SGCZ: variants seen among roughly 807,000 people sequenced by gnomAD.
SGCZ encodes the protein zeta-sarcoglycan.
Under a neutral mutation model 41.3 loss-of-function variants are expected in SGCZ, and 40 were observed. The observed-to-expected ratio is 0.97, with a 90% CI of 0.75 to 1.26. The LOEUF (loss-of-function observed/expected upper bound fraction) is 1.26. SGCZ is among the 50% of genes most tolerant of loss of function. The pLI is 0.00. For synonymous variants in SGCZ, 206 were observed against 137.5 expected, an observed-to-expected ratio of 1.50 and a Z score of -3.49; for missense variants, 552 against 369.8, an observed-to-expected ratio of 1.49 and a Z score of -4.04.
intron 2 of SGCZ, among the ~76,000 whole-genome samples, chr8:14,455,162 C>T (rs1800705906): frequency 6.6e-6 from 1 of 151,824 alleles, no homozygotes; most frequent in Non-Finnish European, 1.5e-5. Flanking sequence ...ATAGGGAATT[C>T]ATAAAAGTTA....
chr8:14,814,637 G>C (rs1801842983), intron 1 of SGCZ, among the ~76,000 whole-genome samples: 1 of 152,140 alleles, frequency 6.6e-6, no homozygotes, highest in Admixed American at 6.6e-5. Context: ...GAGAAGATGG[G>C]AGGACGCAAG....
chr8:14,793,333 G>A (rs896858192), intron 1 of SGCZ, among the ~76,000 whole-genome samples: 2 of 152,106 alleles, frequency 1.3e-5, no homozygotes, highest in Non-Finnish European at 2.9e-5. Context: ...TTCACATCAT[G>A]ATCAATGTTA....
At chr8:14,302,061 G>A (rs1470268520) in intron 3 of SGCZ, among the ~76,000 whole-genome samples, 1 of 152,100 alleles carries the variant, frequency 6.6e-6, no homozygotes, top group Non-Finnish European at 1.5e-5. Flanking sequence ...GACCTAAAAA[G>A]TCTTCTCTTT....
At chr8:14,553,025 TA>T (rs1455743153) in intron 2 of SGCZ, among the ~76,000 whole-genome samples, 1 of 151,932 alleles carries the variant, frequency 6.6e-6, no homozygotes, top group African/African-American at 2.4e-5. Context: ...TAATTTTAGT[TA>T]AAAAATGAGG....
intron 1 of SGCZ, among the ~76,000 whole-genome samples, chr8:14,581,426 GT>G (rs1008712703): frequency 4.0e-5 from 6 of 151,308 alleles, no homozygotes; most frequent in African/African-American, 1.5e-4. Context: ...TGCTTACTAT[GT>G]TTTTTGTTTG....
chr8:14,106,610 C>T (rs1283686190), intron 6 of SGCZ, among the ~76,000 whole-genome samples: 1 of 152,100 alleles, frequency 6.6e-6, no homozygotes, highest in Non-Finnish European at 1.5e-5. Flanking sequence ...AGATTTTCAA[C>T]TTTATTTATT....
chr8:14,497,626 G>C (rs533038065), intron 2 of SGCZ, among the ~76,000 whole-genome samples: 3 of 152,092 alleles, frequency 2.0e-5, no homozygotes, highest in Admixed American at 6.6e-5. Context: ...GCTATTGTTA[G>C]TGTTAGTGTA....
intron 1 of SGCZ, among the ~76,000 whole-genome samples, chr8:14,589,280 G>A (rs968142443): frequency 6.6e-6 from 1 of 150,448 alleles, no homozygotes; most frequent in African/African-American, 2.4e-5. Context: ...TGGGAGGTGA[G>A]TGTTGCAGTG....
At chr8:14,310,898 C>T (rs539313907) in intron 3 of SGCZ, among the ~76,000 whole-genome samples, 42 of 152,080 alleles carry the variant, frequency 2.8e-4, no homozygotes, top group Non-Finnish European at 5.3e-4. Context: ...AGACAGGGTG[C>T]CCTTGAAACT....
rs538445573 is a variant in SGCZ at position 15,124,923 on chromosome 8, T to C, written c.39+112662A>G. 4.4e-4 allele frequency among the ~76,000 whole-genome samples: 67 copies of C among 152,274 alleles called. 1 individual carries two copies. The highest frequency in any genetic ancestry group is 1.6e-3 in the African/African-American group (65 of 41,558). Reference sequence around the variant, plus strand: ...AATCTGTACAAAATTTTATTTCATATGATAATACATTATGGCTATGAATTA... The same window carrying C: ...AATCTGTACAAAATTTTATTTCATACGATAATACATTATGGCTATGAATTA... On this transcript the variant is annotated intron_variant, in intron 1 of 7. Coordinates refer to ENST00000382080, the MANE Select transcript of SGCZ (RefSeq NM_139167.4).
chr8:14,567,217 G>C (rs375401137), intron 1 of SGCZ, among the ~76,000 whole-genome samples: 2 of 152,324 alleles, frequency 1.3e-5, no homozygotes, highest in South Asian at 2.1e-4. Context: ...GGGCTGAGGA[G>C]TGCAGGCGCA....
rs34143581 is a variant in SGCZ, at chr8:14,690,113, CT to C, written c.40-135188del. Among the ~76,000 whole-genome samples the C allele has an allele frequency of 4.0e-3, 542 of 137,148 alleles. 2 individuals are homozygous for C. The highest frequency in any genetic ancestry group is 6.6e-3 in the African/African-American group (239 of 36,082). 90.0% of individuals were successfully genotyped at this position (137,148 alleles called of 152,430 possible). A position where few individuals can be genotyped will look rare whatever the true frequency, so the allele number is the denominator to read the frequency against. ...TCTAAGTAAATTGTGAGTGTTGTCT[CT>C]TTTTTTTTTTTTTTTAAAGTCCATG... On this transcript the variant is annotated intron_variant, in intron 1 of 7. Coordinates refer to ENST00000382080, the MANE Select transcript of SGCZ (RefSeq NM_139167.4).
chr8:14,462,778 G>T (rs1200276542), intron 2 of SGCZ, among the ~76,000 whole-genome samples: 1 of 151,774 alleles, frequency 6.6e-6, no homozygotes, highest in African/African-American at 2.4e-5. Flanking sequence ...ATTTGGATAA[G>T]GATCGCATTG....
rs774548687 is a variant in SGCZ, at chr8:14,871,938, A to ATG, written c.40-317014_40-317013dup. Reference sequence around the variant, plus strand: ...TATATGTGTGTGTATATATATGTATATGTGTATATATATATATAGGACATA... The same window carrying ATG: ...TATATGTGTGTGTATATATATGTATATGTGTGTATATATATATATAGGACATA... On this transcript the variant is annotated intron_variant, in intron 1 of 7. Transcript: ENST00000382080. 1.9e-3 allele frequency among the ~76,000 whole-genome samples: 287 copies of ATG among 151,050 alleles called. 1 individual carries two copies. The highest frequency in any genetic ancestry group is 6.6e-3 in the African/African-American group (272 of 41,100).
At chr8:14,104,042 C>A (rs1283569424) in intron 6 of SGCZ, among the ~76,000 whole-genome samples, 1 of 152,098 alleles carries the variant, frequency 6.6e-6, no homozygotes, top group Non-Finnish European at 1.5e-5. Flanking sequence ...CTCCTGTCCA[C>A]TGAGGAGGGT....
chr8:14,406,806 G>T (rs1213709068), intron 2 of SGCZ, among the ~76,000 whole-genome samples: 1 of 152,090 alleles, frequency 6.6e-6, no homozygotes, highest in Admixed American at 6.6e-5. Context: ...AATTAAAAGT[G>T]GGTATAAATA....
At chr8:14,472,602 C>A (rs557701257) in intron 2 of SGCZ, among the ~76,000 whole-genome samples, 1 of 152,034 alleles carries the variant, frequency 6.6e-6, no homozygotes, top group Non-Finnish European at 1.5e-5. Flanking sequence ...GATGTTTAAG[C>A]GTGCAGTGGT....
At chr8:14,227,044 A>G (rs1806396977) in intron 4 of SGCZ, among the ~76,000 whole-genome samples, 1 of 152,058 alleles carries the variant, frequency 6.6e-6, no homozygotes, top group African/African-American at 2.4e-5. Context: ...TACTGATTCA[A>G]TTAGTAGCTC....
chr8:14,497,374 T>G (rs1188146781), intron 2 of SGCZ, among the ~76,000 whole-genome samples: 3 of 151,952 alleles, frequency 2.0e-5, no homozygotes, highest in Non-Finnish European at 4.4e-5. Flanking sequence ...AACAATCAGA[T>G]CTCTCGTGAA....
Sources: allele counts gnomAD v4.1 joint callset (sites outside exome capture counted in the v4.1 genomes callset), GRCh38; gene constraint gnomAD v4.1.1; transcripts MANE v1.5; gene names NCBI Gene and HGNC (gene_info 2026-07-23, HGNC 2026-07-21).